The following BCKDHB variants were observed in gnomAD, a reference collection of about 807,000 sequenced individuals.
BCKDHB encodes branched chain keto acid dehydrogenase E1 subunit beta, also known as 2-oxoisovalerate dehydrogenase subunit beta, mitochondrial.
Under a neutral mutation model 48.5 loss-of-function variants are expected in BCKDHB, and 41 were observed. The observed-to-expected ratio is 0.85, with a 90% confidence interval of 0.66 to 1.10. The LOEUF is 1.10. Among genes scored for constraint, BCKDHB ranks in the 50% least tolerant of loss-of-function variants. The pLI, the probability that BCKDHB is intolerant of heterozygous loss-of-function variation, is 0.00. For synonymous variants in BCKDHB, 201 were observed against 174.8 expected (o/e 1.15, Z -1.18); for missense variants, 496 against 494.2 (o/e 1.00, Z -0.03).
At chr6:80,119,390 C>G (rs969402935) in intron 1 of BCKDHB, among the ~76,000 whole-genome samples, 1 of 152,116 alleles carries the variant, frequency 6.6e-6, no homozygotes, top group African/African-American at 2.4e-5. Context: ...ATAATCTTGG[C>G]TGGCTGCAAC....
chr6:80,137,413 G>C (rs1324264816), intron 3 of BCKDHB, among the ~76,000 whole-genome samples: 2 of 152,126 alleles, frequency 1.3e-5, no homozygotes, highest in Non-Finnish European at 2.9e-5. Context: ...TTAAGAGTCA[G>C]GGTCTTGCTC....
chr6:80,324,817 C>A (rs951459563), intron 9 of BCKDHB, among the ~76,000 whole-genome samples: 1 of 152,146 alleles, frequency 6.6e-6, no homozygotes, highest in Admixed American at 6.5e-5. Context: ...ATGGCTCCAG[C>A]AGTTCTCAGC....
chr6:80,411,687 C>T, the BCKDHB span, among the ~76,000 whole-genome samples: 25 of 152,248 alleles, frequency 1.6e-4, no homozygotes, highest in African/African-American at 5.3e-4. Context: ...GCCCCTCCCC[C>T]CATCAGGCTG....
the BCKDHB span, among the ~76,000 whole-genome samples, chr6:80,446,737 T>C: frequency 2.0e-5 from 3 of 149,622 alleles, no homozygotes; most frequent in Admixed American, 2.0e-4. Context: ...TTTTTTTTTT[T>C]TTTTTTGGTC....
At chr6:80,160,606 A>G (rs1213078354) in intron 3 of BCKDHB, among the ~76,000 whole-genome samples, 8 of 152,330 alleles carry the variant, frequency 5.3e-5, no homozygotes, top group African/African-American at 1.7e-4. Flanking sequence ...GCTGATTTTA[A>G]TATGAAGTTT....
chr6:80,379,867 G>C, the BCKDHB span, among the ~76,000 whole-genome samples: 1 of 151,672 alleles, frequency 6.6e-6, no homozygotes, highest in East Asian at 1.9e-4. Flanking sequence ...AAAGTTAAAC[G>C]CTTAGGAATA....
At chr6:80,353,650 C>G in the BCKDHB span, among the ~76,000 whole-genome samples, 1 of 152,016 alleles carries the variant, frequency 6.6e-6, no homozygotes, top group African/African-American at 2.4e-5. Flanking sequence ...GTCAAGAGAT[C>G]AAGACCATCC....
At chr6:80,248,214 T>G (rs1562172916) in intron 8 of BCKDHB, among the ~76,000 whole-genome samples, 1 of 152,236 alleles carries the variant, frequency 6.6e-6, no homozygotes. Context: ...AGCACCACAG[T>G]GTCCAAGGTC....
At chr6:80,162,112 C>T (rs1264709973) in intron 3 of BCKDHB, among the ~76,000 whole-genome samples, 3 of 152,138 alleles carry the variant, frequency 2.0e-5, no homozygotes, top group Admixed American at 6.5e-5. Context: ...TGGGAAGTTC[C>T]GGGGCACTCA....
chr6:80,272,777 G>T (rs931221542), intron 8 of BCKDHB, among the ~76,000 whole-genome samples: 1 of 151,892 alleles, frequency 6.6e-6, no homozygotes, highest in Non-Finnish European at 1.5e-5. Context: ...AAAAACTTTC[G>T]CTCTTTAACA....
At chr6:80,126,270 A>G (rs796353004) in intron 1 of BCKDHB, among the ~76,000 whole-genome samples, 12 of 152,284 alleles carry the variant, frequency 7.9e-5, no homozygotes, top group African/African-American at 2.9e-4. Flanking sequence ...TAGATGCCAG[A>G]GTAGGCAGAA....
At chr6:80,368,304 C>T in the BCKDHB span, among the ~76,000 whole-genome samples, 10 of 152,214 alleles carry the variant, frequency 6.6e-5, no homozygotes, top group South Asian at 6.2e-4. Context: ...TCATTTGGTC[C>T]GCAGTCTGTA....
intron 6 of BCKDHB, among the ~76,000 whole-genome samples, chr6:80,181,040 A>C (rs1280356749): frequency 6.6e-6 from 1 of 152,214 alleles, no homozygotes; most frequent in Non-Finnish European, 1.5e-5. Context: ...CTTTCCCCAC[A>C]GGCAACAACT....
At chr6:80,189,233 A>G (rs528164078) in intron 6 of BCKDHB, among the ~76,000 whole-genome samples, 1 of 152,322 alleles carries the variant, frequency 6.6e-6, no homozygotes, top group Admixed American at 6.5e-5. Context: ...CATTTTATAT[A>G]TACCTTTAAT....
chr6:80,446,869 G>A, the BCKDHB span, among the ~76,000 whole-genome samples: 4 of 152,028 alleles, frequency 2.6e-5, no homozygotes, highest in African/African-American at 7.2e-5. Flanking sequence ...GTCTGTGGTC[G>A]AGGAGGGGTT....
At chr6:80,228,368 C>T (rs775383609) in intron 8 of BCKDHB, among the ~76,000 whole-genome samples, 1 of 152,200 alleles carries the variant, frequency 6.6e-6, no homozygotes. Context: ...AACATTTAAG[C>T]AGATGGTACT....
chr6:80,291,728 T>C (rs990855716), intron 9 of BCKDHB, among the ~76,000 whole-genome samples: 2 of 152,144 alleles, frequency 1.3e-5, no homozygotes, highest in Admixed American at 1.3e-4. Context: ...GTCTAAATTG[T>C]AGGAAAAACC....
At chr6:80,278,358 A>G (rs1371272730) in intron 9 of BCKDHB, among the ~76,000 whole-genome samples, 2 of 152,198 alleles carry the variant, frequency 1.3e-5, no homozygotes, top group Non-Finnish European at 2.9e-5. Context: ...CCTGTTTAGT[A>G]TTCTGTAAAC....
intron 3 of BCKDHB, among the ~76,000 whole-genome samples, chr6:80,151,174 G>A (rs143965531): frequency 9.2e-5 from 14 of 152,078 alleles, no homozygotes; most frequent in South Asian, 2.1e-4. Flanking sequence ...TAATTTCTGC[G>A]TTTTGATACA....
Sources: gnomAD v4.1 joint callset for allele counts (sites outside exome capture counted in the v4.1 genomes callset) on GRCh38, gnomAD v4.1.1 for gene constraint, MANE v1.5 for transcripts, NCBI Gene and HGNC (gene_info 2026-07-23, HGNC 2026-07-21) for gene names.